DLGAP2: variants seen among roughly 807,000 people sequenced by gnomAD.
DLGAP2 encodes DLG associated protein 2.
Under a neutral mutation model 100.3 loss-of-function variants are expected in DLGAP2, and 26 were observed. The observed-to-expected ratio is 0.26, with a 90% CI of 0.19 to 0.36. The LOEUF (loss-of-function observed/expected upper bound fraction) is 0.36, where lower values mean the gene tolerates loss of function less well. DLGAP2 is among the 10% of genes least tolerant of loss of function. The pLI is 1.00. For missense variants in DLGAP2, 1,858 were observed against 1,453.2 expected, an observed-to-expected ratio of 1.28 and a Z score of -4.53; for synonymous variants, 886 against 630.1, an observed-to-expected ratio of 1.41 and a Z score of -6.08.
intron 2 of DLGAP2, among the ~76,000 whole-genome samples, chr8:1,090,820 G>A (rs1563186111): frequency 2.0e-5 from 3 of 152,094 alleles, no homozygotes; most frequent in African/African-American, 4.8e-5. Flanking sequence ...TCTTTTCATC[G>A]AGGACTCTTA....
chr8:890,298 G>C (rs1285442470), intron 1 of DLGAP2, among the ~76,000 whole-genome samples: 1 of 152,184 alleles, frequency 6.6e-6, no homozygotes, highest in African/African-American at 2.4e-5. Context: ...GCAGAGCGTG[G>C]TTTGCTGCAG....
intron 12 of DLGAP2, among the ~76,000 whole-genome samples, chr8:1,685,713 A>G (rs969330631): frequency 3.3e-5 from 5 of 152,044 alleles, no homozygotes; most frequent in African/African-American, 4.8e-5. Flanking sequence ...GAACCAGAAT[A>G]TACAAGGAGC....
chr8:1,522,889 G>A (rs534212994), intron 4 of DLGAP2, among the ~76,000 whole-genome samples: 1 of 152,360 alleles, frequency 6.6e-6, no homozygotes, highest in South Asian at 2.1e-4. Flanking sequence ...ATGAAAATTA[G>A]GGAGTAGCTC....
intron 2 of DLGAP2, among the ~76,000 whole-genome samples, chr8:1,205,688 G>A (rs1429280056): frequency 1.3e-5 from 2 of 152,168 alleles, no homozygotes; most frequent in African/African-American, 2.4e-5. Context: ...AGAGGTGACC[G>A]GAGCACTGGG....
chr8:1,412,257 C>T (rs985466685), intron 3 of DLGAP2, among the ~76,000 whole-genome samples: 5 of 152,214 alleles, frequency 3.3e-5, no homozygotes, highest in African/African-American at 1.2e-4. Context: ...GCTCTGAGCG[C>T]TAGACTCTGC....
At chr8:1,556,448 C>T (rs1801969218) in intron 5 of DLGAP2, among the ~76,000 whole-genome samples, 2 of 152,198 alleles carry the variant, frequency 1.3e-5, no homozygotes, top group Non-Finnish European at 2.9e-5. Context: ...TGTGGGTGTG[C>T]AGCTGGGCGG....
chr8:817,655 G>A (rs1215001570), intron 1 of DLGAP2, among the ~76,000 whole-genome samples: 2 of 152,196 alleles, frequency 1.3e-5, no homozygotes, highest in African/African-American at 4.8e-5. Context: ...CCCACGGGGT[G>A]CTACCTTGAT....
intron 3 of DLGAP2, among the ~76,000 whole-genome samples, chr8:1,347,161 T>A (rs1206421496): frequency 1.3e-5 from 2 of 152,020 alleles, no homozygotes; most frequent in African/African-American, 4.8e-5. Flanking sequence ...GAGGTTGCGT[T>A]CCTGTACAGA....
At chr8:877,109 A>G (rs1797700030) in intron 1 of DLGAP2, among the ~76,000 whole-genome samples, 1 of 151,708 alleles carries the variant, frequency 6.6e-6, no homozygotes, top group Non-Finnish European at 1.5e-5. Context: ...ATCTTTTTCT[A>G]ATAAACCTGG....
At chr8:1,189,441 G>C (rs1364748565) in intron 2 of DLGAP2, among the ~76,000 whole-genome samples, 1 of 152,102 alleles carries the variant, frequency 6.6e-6, no homozygotes, top group Non-Finnish European at 1.5e-5. Flanking sequence ...GAAGAGGAGT[G>C]GTCACCACCA....
chr8:1,153,970 T>G (rs1168941941), intron 2 of DLGAP2, among the ~76,000 whole-genome samples: 2 of 152,156 alleles, frequency 1.3e-5, no homozygotes, highest in Non-Finnish European at 2.9e-5. Context: ...AGTGATCTTA[T>G]TTTTCAGTAA....
At chr8:1,624,459 G>C (rs1797437614) in intron 6 of DLGAP2, among the ~76,000 whole-genome samples, 1 of 151,864 alleles carries the variant, frequency 6.6e-6, no homozygotes, top group African/African-American at 2.4e-5. Context: ...ACAGGCACGT[G>C]GACACATTCA....
At chr8:1,146,573 G>A (rs892744046) in intron 2 of DLGAP2, among the ~76,000 whole-genome samples, 5 of 151,950 alleles carry the variant, frequency 3.3e-5, no homozygotes, top group Non-Finnish European at 7.4e-5. Flanking sequence ...GCACATGTGT[G>A]TGTATGCACA....
At chr8:1,678,723 T>G in intron 12 of DLGAP2, 94 bp downstream of exon 12, 1 of 1,326,306 alleles carries the variant, frequency 7.5e-7, no homozygotes, top group Admixed American at 3.4e-5. Context: ...AGTTCCTCCC[T>G]TTGGTATTCA....
chr8:1,607,752 C>A lies in DLGAP2; in HGVS notation c.1443-18988C>A, dbSNP rs553327120. 3.1e-4 allele frequency among the ~76,000 whole-genome samples: 47 copies of A among 152,342 alleles called. No individual in the cohort carries two copies. In the South Asian group the frequency reaches 8.3e-3, roughly 27 times the overall value. ...GGAAGCGCAAGGGGTCAGGGAGTTC[C>A]CTTTCTGAGTCAAAGAAAGGGGTGA... On this transcript the variant is annotated intron_variant, in intron 6 of 14. Coordinates refer to ENST00000637795, the MANE Select transcript of DLGAP2 (RefSeq NM_001346810.2).
chr8:1,442,843 C>T, intron 3 of DLGAP2, among the ~76,000 whole-genome samples: 1 of 149,832 alleles, frequency 6.7e-6, no homozygotes, highest in South Asian at 2.1e-4. Context: ...CTCTAGGCTG[C>T]TGTGGGTTTA....
At chr8:1,116,163 G>T (rs76656077) in intron 2 of DLGAP2, among the ~76,000 whole-genome samples, 195 of 152,316 alleles carry the variant, frequency 1.3e-3, no homozygotes, top group African/African-American at 4.4e-3. Flanking sequence ...CATGGGGTGC[G>T]CAGGCGTCAG....
intron 2 of DLGAP2, among the ~76,000 whole-genome samples, chr8:1,164,618 G>C (rs553572882): frequency 6.6e-6 from 1 of 152,212 alleles, no homozygotes; most frequent in South Asian, 2.1e-4. Flanking sequence ...TCAGAGGGAA[G>C]AGCCATGCTC....
intron 4 of DLGAP2, 120 bp downstream of exon 4, chr8:1,501,551 TAAG>T: frequency 7.2e-6 from 7 of 972,412 alleles, no homozygotes; most frequent in South Asian, 3.1e-5. Flanking sequence ...GAAAGGGAGC[TAAG>T]AAGAACTAAG....
Sources: gnomAD v4.1 joint callset for allele counts (sites outside exome capture counted in the v4.1 genomes callset) on GRCh38, gnomAD v4.1.1 for gene constraint, MANE v1.5 for transcripts, NCBI Gene and HGNC (gene_info 2026-07-23, HGNC 2026-07-21) for gene names.